Variants in NMNAT2 observed in about 807,000 individuals in gnomAD.
NMNAT2 encodes the protein nicotinamide/nicotinic acid mononucleotide adenylyltransferase 2.
In NMNAT2, 11 loss-of-function variants were observed where a neutral mutation model predicts 41.6. The observed-to-expected ratio is 0.26, with a 90% CI of 0.17 to 0.44. NMNAT2 has a LOEUF of 0.44. Ranked by LOEUF, NMNAT2 falls within the 20% of genes least tolerant of loss-of-function variation. The pLI, the probability that NMNAT2 is intolerant of heterozygous loss-of-function variation, is 1.00. For synonymous variants in NMNAT2, 148 were observed against 151.2 expected, an observed-to-expected ratio of 0.98 and a Z score of 0.16; for missense variants, 288 against 407.7, an observed-to-expected ratio of 0.71 and a Z score of 2.53.
chr1:183,327,127 T>A (rs1286088521), intron 1 of NMNAT2, among the ~76,000 whole-genome samples: 1 of 152,164 alleles, frequency 6.6e-6, no homozygotes, highest in Non-Finnish European at 1.5e-5. Flanking sequence ...CTCGGCTCAC[T>A]GCAACCTCCG....
At chr1:183,339,239 A>AG (rs1662743117) in intron 1 of NMNAT2, among the ~76,000 whole-genome samples, 1 of 152,150 alleles carries the variant, frequency 6.6e-6, no homozygotes, top group Non-Finnish European at 1.5e-5. Context: ...CTGGGACTAC[A>AG]GGTGCCTGCC....
intron 1 of NMNAT2, among the ~76,000 whole-genome samples, chr1:183,326,710 G>C (rs568304484): frequency 7.9e-5 from 12 of 152,302 alleles, no homozygotes; most frequent in African/African-American, 2.9e-4. Context: ...CTCATGAAAA[G>C]CACCCTGGGC....
intron 1 of NMNAT2, among the ~76,000 whole-genome samples, chr1:183,385,017 G>A (rs911629074): frequency 5.9e-5 from 9 of 151,738 alleles, no homozygotes; most frequent in African/African-American, 1.7e-4. Flanking sequence ...GCAACTTAGT[G>A]AGACCCTGTC....
chr1:183,286,704 G>C lies in NMNAT2; in HGVS notation c.406C>G (p.Pro136Ala). ...GCCACGTTGCTGTTCTGGTAAATGG[G>C]CTGGGGGGTCTCGTTTTGTGGCTGT... ...IGQPQNETPQ[P>A]IYQNSNVATK... Residue 136 changes from proline (P) to alanine (A), a missense_variant, in exon 5 of 11, where the codon CCC (proline) becomes GCC (alanine). Coordinates refer to ENST00000287713, the MANE Select transcript of NMNAT2 (RefSeq NM_015039.4). 6.2e-7 allele frequency: 1 copy of C among 1,612,550 alleles called. No individual in the cohort carries two copies. The highest frequency in any genetic ancestry group is 8.5e-7 in the Non-Finnish European group (1 of 1,179,408).
In NMNAT2 at chr1:183,296,620, C is replaced by T. The variant is rs12046524; in HGVS notation, c.86-2827G>A. ...CTCCGCCTCCTGGGTTCAAGTGATT[C>T]TTGTGCCTCAGCCTCATAGGTAGCT... is the stretch of plus-strand genomic sequence containing the variant. On this transcript the variant is annotated intron_variant, in intron 1 of 10. Transcript: ENST00000287713. Among the ~76,000 whole-genome samples the T allele has an allele frequency of 2.5e-3, 376 of 151,984 alleles. 10 individuals are homozygous for T. The East Asian group carries it at 0.058, about 23-fold the overall frequency.
chr1:183,412,220 T>G (rs1030507503), intron 1 of NMNAT2, among the ~76,000 whole-genome samples: 14 of 152,302 alleles, frequency 9.2e-5, no homozygotes, highest in African/African-American at 3.4e-4. Context: ...GATCACTCTG[T>G]TTTTTTGTTT....
At chr1:183,301,187 C>T (rs1281083246) in intron 1 of NMNAT2, among the ~76,000 whole-genome samples, 2 of 152,228 alleles carry the variant, frequency 1.3e-5, no homozygotes, top group Non-Finnish European at 2.9e-5. Context: ...TCACCCTAGT[C>T]CCAGGCTTTG....
chr1:183,368,359 G>A (rs1014231950), intron 1 of NMNAT2, among the ~76,000 whole-genome samples: 3 of 152,148 alleles, frequency 2.0e-5, no homozygotes, highest in Non-Finnish European at 4.4e-5. Flanking sequence ...GGTTCCTGGA[G>A]GCCGGAATAA....
intron 1 of NMNAT2, among the ~76,000 whole-genome samples, chr1:183,308,667 G>A (rs1662047010): frequency 6.6e-6 from 1 of 152,146 alleles, no homozygotes. Context: ...AGACACATCA[G>A]TAGGTGGGAA....
At chr1:183,285,309 T>TG (rs1425477283) in intron 5 of NMNAT2, among the ~76,000 whole-genome samples, 3 of 152,222 alleles carry the variant, frequency 2.0e-5, no homozygotes, top group Non-Finnish European at 4.4e-5. Flanking sequence ...AGCCTATCCT[T>TG]AGCTGCTCCT....
At chr1:183,359,089 T>A (rs957234386) in intron 1 of NMNAT2, among the ~76,000 whole-genome samples, 10 of 152,012 alleles carry the variant, frequency 6.6e-5, no homozygotes, top group Non-Finnish European at 1.3e-4. Flanking sequence ...TTTTTTTTTT[T>A]AAAGTGTGAT....
At chr1:183,335,142 G>A (rs1416852423) in intron 1 of NMNAT2, among the ~76,000 whole-genome samples, 2 of 152,086 alleles carry the variant, frequency 1.3e-5, no homozygotes, top group Non-Finnish European at 2.9e-5. Flanking sequence ...CCGTTTTACT[G>A]GGCTTCTGTG....
intron 4 of NMNAT2, 94 bp downstream of exon 4, chr1:183,290,034 A>AC: frequency 1.0e-6 from 1 of 983,926 alleles, no homozygotes; most frequent in Non-Finnish European, 1.5e-6. Flanking sequence ...GGCCAGCAGC[A>AC]CCCTCTCCTC....
intron 7 of NMNAT2, among the ~76,000 whole-genome samples, chr1:183,281,781 G>C (rs1040348463): frequency 6.6e-6 from 1 of 152,234 alleles, no homozygotes; most frequent in African/African-American, 2.4e-5. Flanking sequence ...AGGGTCAACA[G>C]ACGCTAATGG....
chr1:183,367,925 A>G (rs1333524305), intron 1 of NMNAT2, among the ~76,000 whole-genome samples: 3 of 152,142 alleles, frequency 2.0e-5, no homozygotes, highest in Non-Finnish European at 4.4e-5. Context: ...GTCCCCCAGC[A>G]TGGCACAAGC....
chr1:183,323,475 G>A (rs1662398706), intron 1 of NMNAT2, among the ~76,000 whole-genome samples: 1 of 152,176 alleles, frequency 6.6e-6, no homozygotes, highest in African/African-American at 2.4e-5. Context: ...CAACCAAAGG[G>A]TAGAGCTTAC....
rs562777343 is a variant in NMNAT2, at chr1:183,348,293, A to C, written c.86-54500T>G. Among the ~76,000 whole-genome samples, 3 of 152,334 alleles carry C rather than the reference A, an allele frequency of 2.0e-5. 1 individual carries two copies. In the South Asian group the frequency reaches 6.2e-4, roughly 32 times the overall value. On this transcript the variant is annotated intron_variant, in intron 1 of 10. Transcript: ENST00000287713. ...CTGTGCGTGCGTGCACGTGTCCACA[A>C]GCATGAGTATGTAAGTGCACACACA... is the stretch of plus-strand genomic sequence containing the variant.
intron 1 of NMNAT2, among the ~76,000 whole-genome samples, chr1:183,397,236 T>C (rs1456833168): frequency 1.3e-5 from 2 of 152,102 alleles, no homozygotes; most frequent in Non-Finnish European, 2.9e-5. Flanking sequence ...CCAGCCAGGG[T>C]CGAGGTTCTG....
chr1:183,322,079 C>T (rs889260997), intron 1 of NMNAT2, among the ~76,000 whole-genome samples: 4 of 152,124 alleles, frequency 2.6e-5, no homozygotes, highest in Non-Finnish European at 5.9e-5. Flanking sequence ...CCAGCCTTGG[C>T]TTCCCAAAAT....
Sources: gnomAD v4.1 joint callset for allele counts (sites outside exome capture counted in the v4.1 genomes callset) on GRCh38, gnomAD v4.1.1 for gene constraint, MANE v1.5 for transcripts, NCBI Gene and HGNC (gene_info 2026-07-23, HGNC 2026-07-21) for gene names.